Variants in CHCHD6 observed in about 807,000 individuals in gnomAD.
CHCHD6 encodes the protein MICOS complex subunit MIC25.
CHCHD6 carries 28 observed loss-of-function variants against 32.3 expected under a neutral mutation model. The ratio of observed to expected loss-of-function variants is 0.87; its 90% CI spans 0.64 to 1.19. CHCHD6 has a LOEUF of 1.19. Ranked by LOEUF, CHCHD6 falls within the 50% of genes most tolerant of loss-of-function variation. The pLI, the probability that CHCHD6 is intolerant of heterozygous loss-of-function variation, is 0.00. For synonymous variants in CHCHD6, 122 were observed against 117.5 expected, an observed-to-expected ratio of 1.04 and a Z score of -0.25; for missense variants, 333 against 307.0, an observed-to-expected ratio of 1.08 and a Z score of -0.63.
intron 4 of CHCHD6, among the ~76,000 whole-genome samples, chr3:126,819,980 G>A (rs1327631996): frequency 6.6e-6 from 1 of 152,228 alleles, no homozygotes; most frequent in Non-Finnish European, 1.5e-5. Flanking sequence ...AGCTTAGTGG[G>A]AAGAACCAGC....
chr3:126,951,982 G>A (rs116613035), intron 6 of CHCHD6, among the ~76,000 whole-genome samples: 1,799 of 152,284 alleles, frequency 0.012, 19 homozygotes, highest in Middle Eastern at 0.048. Flanking sequence ...TTTGTTTTAA[G>A]GAAAAACAGA....
At chr3:126,722,263 C>T (rs903336284) in intron 1 of CHCHD6, among the ~76,000 whole-genome samples, 2 of 152,182 alleles carry the variant, frequency 1.3e-5, no homozygotes, top group African/African-American at 4.8e-5. Flanking sequence ...TCAAGCAATC[C>T]TTTTGCCTCA....
intron 6 of CHCHD6, among the ~76,000 whole-genome samples, chr3:126,915,133 T>G (rs1406612338): frequency 1.3e-5 from 2 of 152,178 alleles, no homozygotes; most frequent in East Asian, 3.8e-4. Flanking sequence ...GTGGAGGGGT[T>G]TTTAGGGGAA....
At chr3:126,749,571 A>G (rs1936643148) in intron 4 of CHCHD6, among the ~76,000 whole-genome samples, 2 of 152,174 alleles carry the variant, frequency 1.3e-5, no homozygotes, top group African/African-American at 2.4e-5. Context: ...CAGATACAGT[A>G]GCATAAATAA....
chr3:126,831,710 A>T (rs1174237601), intron 4 of CHCHD6, among the ~76,000 whole-genome samples: 1 of 152,230 alleles, frequency 6.6e-6, no homozygotes, highest in East Asian at 1.9e-4. Context: ...TGTGTGCTTC[A>T]GAATTGTTCT....
chr3:126,922,233 C>A (rs1046053142), intron 6 of CHCHD6, among the ~76,000 whole-genome samples: 99 of 152,186 alleles, frequency 6.5e-4, no homozygotes, highest in Non-Finnish European at 7.1e-4. Context: ...ATGTACTGTA[C>A]CCTGTTTCCC....
chr3:126,717,019 C>T (rs1285580137), intron 1 of CHCHD6, among the ~76,000 whole-genome samples: 1 of 152,178 alleles, frequency 6.6e-6, no homozygotes. Flanking sequence ...CTTGCTCTTG[C>T]TGTTGGGGTG....
At chr3:126,826,691 C>A (rs1284089687) in intron 4 of CHCHD6, among the ~76,000 whole-genome samples, 1 of 152,006 alleles carries the variant, frequency 6.6e-6, no homozygotes, top group Non-Finnish European at 1.5e-5. Context: ...ATATATATAT[C>A]TAATAATAAA....
chr3:126,711,073 CA>C (rs1160583386), intron 1 of CHCHD6, among the ~76,000 whole-genome samples: 1 of 152,138 alleles, frequency 6.6e-6, no homozygotes, highest in Non-Finnish European at 1.5e-5. Context: ...TGCCCCTTAT[CA>C]GATTGGTAAC....
At chr3:126,704,508 G>T (rs1289831996) in intron 1 of CHCHD6, 109 bp downstream of exon 1, 1 of 658,084 alleles carries the variant, frequency 1.5e-6, no homozygotes, top group African/African-American at 1.9e-5. Context: ...GGGGCGTGGG[G>T]CTTGGGAGAC....
chr3:126,928,348 C>T (rs2078354393), intron 6 of CHCHD6, among the ~76,000 whole-genome samples: 2 of 152,206 alleles, frequency 1.3e-5, no homozygotes, highest in Admixed American at 1.3e-4. Flanking sequence ...GCCTCTAGAC[C>T]ATGGGAAGAA....
chr3:126,913,269 G>A lies in CHCHD6; in HGVS notation c.496-1411G>A, dbSNP rs527502069. Among the ~76,000 whole-genome samples the A allele has an allele frequency of 1.5e-4, 18 of 116,474 alleles. No individual in the cohort carries two copies. The East Asian group carries it at 4.2e-3, about 27-fold the overall frequency. 76.4% of individuals were successfully genotyped at this position (116,474 alleles called of 152,430 possible). On this transcript the variant is annotated intron_variant, in intron 5 of 7. Coordinates refer to ENST00000290913, the MANE Select transcript of CHCHD6 (RefSeq NM_032343.3). ...TGGGAGACGGAGTTTCACTTTTGTC[G>A]CCCAGGCTGAAGTACAGTGGCACAA...
At chr3:126,918,928 T>C (rs1354325338) in intron 6 of CHCHD6, among the ~76,000 whole-genome samples, 1 of 152,248 alleles carries the variant, frequency 6.6e-6, no homozygotes, top group Admixed American at 6.5e-5. Context: ...TGAGTTAAAA[T>C]TTTTCCAGTT....
At chr3:126,784,117 G>T (rs1938083263) in intron 4 of CHCHD6, among the ~76,000 whole-genome samples, 1 of 152,116 alleles carries the variant, frequency 6.6e-6, no homozygotes, top group Non-Finnish European at 1.5e-5. Context: ...CAGTAGATGT[G>T]CTTGCCACAA....
chr3:126,819,445 A>T (rs1368392056), intron 4 of CHCHD6, among the ~76,000 whole-genome samples: 1 of 152,172 alleles, frequency 6.6e-6, no homozygotes, highest in Non-Finnish European at 1.5e-5. Context: ...AAAGAAAAAG[A>T]CTTGTTCACC....
At chr3:126,887,788 A>G (rs997843127) in intron 5 of CHCHD6, among the ~76,000 whole-genome samples, 1 of 152,196 alleles carries the variant, frequency 6.6e-6, no homozygotes, top group Non-Finnish European at 1.5e-5. Context: ...GAAGGCATCC[A>G]AGCAGTCAAT....
chr3:126,740,658 C>T (rs1004998678), intron 4 of CHCHD6, among the ~76,000 whole-genome samples: 1 of 152,212 alleles, frequency 6.6e-6, no homozygotes, highest in Non-Finnish European at 1.5e-5. Flanking sequence ...TGCCCATCTG[C>T]ATGCCCCATT....
At chr3:126,771,185 ATTTC>A (rs776220620) in intron 4 of CHCHD6, among the ~76,000 whole-genome samples, 12 of 141,728 alleles carry the variant, frequency 8.5e-5, no homozygotes, top group Non-Finnish European at 1.7e-4. Context: ...ACCCTTTATT[ATTTC>A]TTTTTTTCTT....
intron 4 of CHCHD6, among the ~76,000 whole-genome samples, chr3:126,762,745 CTG>C (rs1937208369): frequency 6.6e-6 from 1 of 152,076 alleles, no homozygotes; most frequent in African/African-American, 2.4e-5. Flanking sequence ...CTTTGGAGCT[CTG>C]TTTTTCAGTG....
Sources: gnomAD v4.1 joint callset for allele counts (sites outside exome capture counted in the v4.1 genomes callset) on GRCh38, gnomAD v4.1.1 for gene constraint, MANE v1.5 for transcripts, NCBI Gene and HGNC (gene_info 2026-07-23, HGNC 2026-07-21) for gene names.